Variants in UGT1A8 observed in about 807,000 individuals in gnomAD.
UGT1A8 encodes the protein UDP glucuronosyltransferase family 1 member A8, also known as UDP-glucuronosyltransferase 1A8.
UGT1A8 carries 39 observed loss-of-function variants against 45.3 expected under a neutral mutation model. The ratio of observed to expected loss-of-function variants is 0.86; its 90% CI spans 0.67 to 1.12. UGT1A8 has a LOEUF of 1.12. UGT1A8 is among the 50% of genes most tolerant of loss of function. The pLI, the probability that UGT1A8 is intolerant of heterozygous loss-of-function variation, is 0.00. For missense variants in UGT1A8, 719 were observed against 664.9 expected (o/e 1.08, Z -0.90); for synonymous variants, 275 against 249.2 (o/e 1.10, Z -0.97).
chr2:233,648,147 C>T, intron 1 of UGT1A8: 1 of 1,231,522 alleles, frequency 8.1e-7, no homozygotes, highest in Non-Finnish European at 1.1e-6. Context: ...AAGTACGACG[C>T]TTATTTTCTC....
intron 1 of UGT1A8, among the ~76,000 whole-genome samples, chr2:233,640,090 T>C (rs929934135): frequency 6.6e-6 from 1 of 152,186 alleles, no homozygotes; most frequent in African/African-American, 2.4e-5. Flanking sequence ...CTTTCCCCAT[T>C]GCTCTAAGAT....
At chr2:233,754,255 AG>A in intron 1 of UGT1A8, 1 of 170,204 alleles carries the variant, frequency 5.9e-6, no homozygotes, top group Admixed American at 5.6e-5. Context: ...CAACGGAAAA[AG>A]GTAAGGCTCA....
At chr2:233,761,982 G>T (rs1310969194) in intron 1 of UGT1A8, among the ~76,000 whole-genome samples, 1 of 152,142 alleles carries the variant, frequency 6.6e-6, no homozygotes, top group Non-Finnish European at 1.5e-5. Context: ...ACCTTCGGAG[G>T]TGACCTTATT....
At chr2:233,625,791 G>T (rs2073076253) in intron 1 of UGT1A8, among the ~76,000 whole-genome samples, 2 of 151,756 alleles carry the variant, frequency 1.3e-5, no homozygotes, top group East Asian at 3.9e-4. Flanking sequence ...GACTACTAAA[G>T]GGGAGAGGAA....
intron 1 of UGT1A8, among the ~76,000 whole-genome samples, chr2:233,739,279 C>G (rs11691824): frequency 0.034 from 5,129 of 152,284 alleles, 99 homozygotes; most frequent in African/African-American, 0.051. Flanking sequence ...AGCCCCCACA[C>G]AGAGTCTCCA....
chr2:233,748,792 C>G (rs1168235446), intron 1 of UGT1A8, among the ~76,000 whole-genome samples: 1 of 151,266 alleles, frequency 6.6e-6, no homozygotes, highest in Non-Finnish European at 1.5e-5. Context: ...ACTTGGAATG[C>G]TGAAATTATC....
chr2:233,669,850 A>T (rs2074146424), intron 1 of UGT1A8, among the ~76,000 whole-genome samples: 1 of 151,926 alleles, frequency 6.6e-6, no homozygotes, highest in Admixed American at 6.6e-5. Context: ...CCTGCAGCTA[A>T]TTTTTTGCAT....
At position 233,705,992 on chromosome 2, in the gene UGT1A8, G is replaced by A. The variant is rs187020674; in HGVS notation, c.856-61042G>A. On this transcript the variant is annotated intron_variant, in intron 1 of 4. Coordinates refer to ENST00000373450, the MANE Select transcript of UGT1A8 (RefSeq NM_019076.5). ...TGGTTCCGGCTACTCAGGAGGCTGA[G>A]GTGTGAGAATCACTTGCACTTGGAC... 1.2e-3 allele frequency among the ~76,000 whole-genome samples: 183 copies of A among 152,322 alleles called. 1 individual carries two copies. Among genetic ancestry groups the A allele is most frequent in the African/African-American group, 4.1e-3 (172 of 41,580 alleles).
intron 1 of UGT1A8, chr2:233,718,673 G>A (rs1477051570): frequency 1.3e-5 from 21 of 1,556,176 alleles, no homozygotes; most frequent in Non-Finnish European, 1.7e-5. Flanking sequence ...AGATTAATGG[G>A]TAATAAGTAA....
intron 1 of UGT1A8, among the ~76,000 whole-genome samples, chr2:233,635,592 C>G (rs769056496): frequency 6.6e-6 from 1 of 150,654 alleles, no homozygotes; most frequent in Non-Finnish European, 1.5e-5. Context: ...TATATTTGAC[C>G]ATGATATATG....
intron 1 of UGT1A8, among the ~76,000 whole-genome samples, chr2:233,631,600 TTTTTTTGA>T (rs2073187002): frequency 6.6e-6 from 1 of 152,166 alleles, no homozygotes; most frequent in South Asian, 2.1e-4. Context: ...GATGATCGGC[TTTTTTTGA>T]TATGCTTGTT....
At chr2:233,671,607 C>CT (rs2074194015) in intron 1 of UGT1A8, among the ~76,000 whole-genome samples, 1 of 152,170 alleles carries the variant, frequency 6.6e-6, no homozygotes, top group African/African-American at 2.4e-5. Context: ...TTTACTTTTA[C>CT]TTTATCTTTC....
chr2:233,672,822 A>T (rs749353376), intron 1 of UGT1A8: 1 of 1,576,106 alleles, frequency 6.3e-7, no homozygotes. Flanking sequence ...CCTTAAGAAT[A>T]CTTCACCTTT....
At chr2:233,628,008 C>G (rs556725985) in intron 1 of UGT1A8, among the ~76,000 whole-genome samples, 68 of 152,100 alleles carry the variant, frequency 4.5e-4, no homozygotes, top group African/African-American at 1.6e-3. Context: ...ATCACATGCA[C>G]TTAAGCCACA....
chr2:233,630,100 A>G (rs2073160578), intron 1 of UGT1A8, among the ~76,000 whole-genome samples: 1 of 151,950 alleles, frequency 6.6e-6, no homozygotes, highest in Non-Finnish European at 1.5e-5. Flanking sequence ...TTTCTCAACA[A>G]ACCAGCTTTG....
chr2:233,641,775 T>G (rs2073459176), intron 1 of UGT1A8, among the ~76,000 whole-genome samples: 1 of 152,214 alleles, frequency 6.6e-6, no homozygotes, highest in African/African-American at 2.4e-5. Flanking sequence ...TCACCAGATA[T>G]ACTATTCTGG....
At chr2:233,712,339 T>A (rs545397552) in intron 1 of UGT1A8, among the ~76,000 whole-genome samples, 7 of 152,174 alleles carry the variant, frequency 4.6e-5, no homozygotes, top group Non-Finnish European at 1.0e-4. Context: ...AATCTGATCA[T>A]CACATCTTGA....
rs2076670148 is a variant in UGT1A8, at chr2:233,718,644, C to T, written c.856-48390C>T. ...GATTGGTCTTTCCCAGGGTTGGGCC[C>T]ATAACGAAAGGCAGTTATAGATTAA... On this transcript the variant is annotated intron_variant, in intron 1 of 4. Transcript: ENST00000373450. The T allele has an allele frequency of 2.6e-5, 39 of 1,488,962 alleles. No individual in the cohort carries two copies. The South Asian group carries it at 4.9e-4, about 19-fold the overall frequency. 92.2% of individuals were successfully genotyped at this position (1,488,962 alleles called of 1,614,324 possible). A position where few individuals can be genotyped will look rare whatever the true frequency, so the allele number is the denominator to read the frequency against.
At chr2:233,729,589 A>C (rs2077888801) in intron 1 of UGT1A8, 4 of 1,614,098 alleles carry the variant, frequency 2.5e-6, no homozygotes, top group Non-Finnish European at 2.5e-6. Context: ...AGACCCCGTT[A>C]ACCTCTGCGC....
Sources: allele counts gnomAD v4.1 joint callset (sites outside exome capture counted in the v4.1 genomes callset), GRCh38; gene constraint gnomAD v4.1.1; transcripts MANE v1.5; gene names NCBI Gene and HGNC (gene_info 2026-07-23, HGNC 2026-07-21).